AP1B1: variants seen among roughly 807,000 people sequenced by gnomAD.
AP1B1 encodes the protein AP-1 complex subunit beta-1.
A neutral mutation model predicts 104.3 loss-of-function variants in AP1B1; 36 were observed. The observed-to-expected ratio is 0.35, with a 90% CI of 0.26 to 0.46. The LOEUF (loss-of-function observed/expected upper bound fraction) is 0.46. Among genes scored for constraint, AP1B1 ranks in the 20% least tolerant of loss-of-function variants. The pLI, the probability that AP1B1 is intolerant of heterozygous loss-of-function variation, is 1.00. For synonymous variants in AP1B1, 504 were observed against 517.5 expected (o/e 0.97, Z 0.35); for missense variants, 901 against 1,247.9 (o/e 0.72, Z 4.19).
chr22:29,377,119 C>A (rs1419525063), intron 1 of AP1B1, among the ~76,000 whole-genome samples: 1 of 148,744 alleles, frequency 6.7e-6, no homozygotes, highest in South Asian at 2.1e-4. Context: ...TCGCTTGAAC[C>A]TGGGAGGCGG....
chr22:29,335,412 C>T (rs1296299175), intron 16 of AP1B1, among the ~76,000 whole-genome samples: 2 of 152,120 alleles, frequency 1.3e-5, no homozygotes, highest in Admixed American at 6.5e-5. Context: ...ACCAGCCCCC[C>T]ACCCCACCCT....
chr22:29,362,346 T>C (rs1054868349), intron 3 of AP1B1, among the ~76,000 whole-genome samples: 2 of 152,024 alleles, frequency 1.3e-5, no homozygotes, highest in African/African-American at 4.8e-5. Context: ...AGATTTCCCA[T>C]TCTTCTTTTT....
rs774062307 is a variant in AP1B1 at position 29,331,739 on chromosome 22, G to T, written c.2439+48C>A. ...CTTCTACTGACCCCAGTGGGGCCCGGCTGGTAGGTGAGTAAGGACTGGGGT... is the reference window on the plus strand; with the variant it reads ...CTTCTACTGACCCCAGTGGGGCCCGTCTGGTAGGTGAGTAAGGACTGGGGT... On this transcript the variant is annotated intron_variant, in intron 18 of 22. Transcript: ENST00000357586. 2.5e-6 allele frequency: 4 copies of T among 1,614,082 alleles called. No homozygotes were observed. The South Asian group carries it at 3.3e-5, about 13-fold the overall frequency.
intron 1 of AP1B1, among the ~76,000 whole-genome samples, chr22:29,377,100 GT>G (rs2062356060): frequency 1.3e-5 from 2 of 151,406 alleles, no homozygotes; most frequent in Admixed American, 6.6e-5. Flanking sequence ...GGAGGCTGAG[GT>G]GGAAGAATCG....
At chr22:29,329,772 G>C (rs999554125) in intron 21 of AP1B1, 52 bp from the exon 22 acceptor site, 4 of 1,611,676 alleles carry the variant, frequency 2.5e-6, no homozygotes, top group African/African-American at 2.7e-5. Context: ...CAAACACAGG[G>C]AGACGGAAGT....
At chr22:29,339,919 G>A (rs1294400959) in intron 14 of AP1B1, 145 bp from the exon 15 acceptor site, 4 of 908,842 alleles carry the variant, frequency 4.4e-6, no homozygotes, top group Admixed American at 2.1e-5. Context: ...TGTGGTGTGA[G>A]GTCTGGCGAG....
intron 11 of AP1B1, among the ~76,000 whole-genome samples, chr22:29,345,321 G>A (rs2061775806): frequency 6.7e-6 from 1 of 149,690 alleles, no homozygotes; most frequent in Admixed American, 6.7e-5. Flanking sequence ...GCCTCCCAAA[G>A]TGCTGGGTTA....
At chr22:29,358,643 C>A in intron 5 of AP1B1, 83 bp downstream of exon 5, 2 of 1,535,810 alleles carry the variant, frequency 1.3e-6, no homozygotes, top group Non-Finnish European at 1.8e-6. Context: ...GTACTCAGGA[C>A]TGCCTGGTGA....
intron 6 of AP1B1, 108 bp downstream of exon 6, chr22:29,356,318 A>T (rs952227789): frequency 1.0e-5 from 12 of 1,196,776 alleles, no homozygotes; most frequent in South Asian, 6.3e-5. Flanking sequence ...GTTATGGGGC[A>T]AAGCACTAGA....
intron 12 of AP1B1, among the ~76,000 whole-genome samples, chr22:29,342,083 C>T (rs1272607944): frequency 6.6e-6 from 1 of 152,266 alleles, no homozygotes; most frequent in Non-Finnish European, 1.5e-5. Context: ...AACTTCACTA[C>T]TTGACCTCAC....
chr22:29,373,925 C>A (rs1365449510), intron 1 of AP1B1, among the ~76,000 whole-genome samples: 1 of 123,866 alleles, frequency 8.1e-6, no homozygotes, highest in Admixed American at 8.7e-5. Flanking sequence ...AGGCAAGGCA[C>A]GGTGGCTCAC....
chr22:29,349,223 T>C lies in AP1B1; in HGVS notation c.1432A>G (p.Thr478Ala). The change falls in exon 11 of 23, where the codon ACA becomes GCA. Residue 478 changes from threonine to alanine, a missense_variant. Physicochemically the swap from Thr to Ala is moderately conservative, Grantham distance 58. This residue lies in a region of AP1B1 where 471 missense variants were observed against 696.7 expected (regional missense o/e 0.68). Transcript: ENST00000357586. ...SFLEGFHDES[T>A]QVQLQLLTAI... is the part of the protein sequence containing the mutation. ...TGGCCAGCTCGCTGGCTCACCTGTG[T>C]GCTCTCGTCATGGAAGCCCTCGAGG... 6.2e-7 allele frequency: 1 copy of C among 1,612,806 alleles called. No homozygotes were observed. The highest frequency in any genetic ancestry group is 8.5e-7 in the Non-Finnish European group (1 of 1,180,030).
chr22:29,341,838 C>G, intron 12 of AP1B1, 78 bp from the exon 13 acceptor site: 4 of 1,500,918 alleles, frequency 2.7e-6, no homozygotes, highest in Non-Finnish European at 3.6e-6. Context: ...CAGCCATGAG[C>G]CAGGTGCGGC....
At chr22:29,357,415 G>A (rs990795762) in intron 5 of AP1B1, among the ~76,000 whole-genome samples, 1 of 151,990 alleles carries the variant, frequency 6.6e-6, no homozygotes, top group Non-Finnish European at 1.5e-5. Flanking sequence ...GCCCAGTCTG[G>A]AGTGTAGTGG....
Position 29,334,423 on chromosome 22 carries a change from G to C in AP1B1, c.2164-13C>G. ...CTGGGAGCCAGACCTGCAGGGAAGA[G>C]GGTGCGGAGGGGGCGGGTAGGTGCC... On this transcript the variant is annotated splice_polypyrimidine_tract_variant and intron_variant, in intron 16 of 22. Transcript: ENST00000357586. 1 of 1,593,082 alleles carries C rather than the reference G, an allele frequency of 6.3e-7. No homozygotes were observed. The highest frequency in any genetic ancestry group is 2.3e-5 in the East Asian group (1 of 43,860).
rs1487601575 is a variant in AP1B1, at chr22:29,328,046, G to A, written c.*775C>T. On this transcript the variant is annotated 3_prime_UTR_variant, in exon 23 of 23. Transcript: ENST00000357586. The surrounding 1 kb of genome is among the most constrained non-coding windows in gnomAD (Gnocchi z 4.1). ...TCTCTCGGCCCAGTCTTTGTGGCAG[G>A]AGGCCTGGGCTCAGAGGCGACACTG... is the stretch of plus-strand genomic sequence containing the variant. 6.5e-6 allele frequency: 1 copy of A among 152,830 alleles called. No individual in the cohort carries two copies. The highest frequency in any genetic ancestry group is 2.4e-5 in the African/African-American group (1 of 41,444). 9.5% of individuals were successfully genotyped at this position (152,830 alleles called of 1,614,324 possible). A position where few individuals can be genotyped will look rare whatever the true frequency, so the allele number is the denominator to read the frequency against.
At position 29,329,723 on chromosome 22, in the gene AP1B1, G is replaced by A. The variant is rs554279393; in HGVS notation, c.2767-3C>T. The A allele has an allele frequency of 6.2e-6, 10 of 1,613,674 alleles. No homozygotes were observed. The African/African-American group carries it at 1.2e-4, about 19-fold the overall frequency. On this transcript the variant is annotated splice_region_variant and splice_polypyrimidine_tract_variant and intron_variant, in intron 21 of 22. Coordinates refer to ENST00000357586, the MANE Select transcript of AP1B1 (RefSeq NM_001127.4). ...AGCGATCTGCTAACCTCTAAGTCCT[G>A]CACCACGGGAACCAGCAGGGAAGGT...
intron 2 of AP1B1, among the ~76,000 whole-genome samples, chr22:29,366,720 A>G (rs1338006596): frequency 6.6e-6 from 1 of 151,220 alleles, no homozygotes. Flanking sequence ...AATAACTTCA[A>G]CTCGAGAGGC....
At position 29,328,734 on chromosome 22, in the gene AP1B1, C is replaced by A; in HGVS notation, c.*87G>T. 1.4e-6 allele frequency: 2 copies of A among 1,480,336 alleles called. No homozygotes were observed. Among genetic ancestry groups the A allele is most frequent in the South Asian group, 2.5e-5 (2 of 81,228 alleles). The allele number at this position is 1,480,336 out of a possible 1,614,324, so 91.7% of individuals were successfully genotyped here. On this transcript the variant is annotated 3_prime_UTR_variant, in exon 23 of 23. Coordinates refer to ENST00000357586, the MANE Select transcript of AP1B1 (RefSeq NM_001127.4). The surrounding 1 kb of genome is among the most constrained non-coding windows in gnomAD (Gnocchi z 4.1). ...TGAGTGGCCTGGAGCCCCGCCTGGT[C>A]CCTCCTGCGAGGAGGAAGATGTGCT...
Sources: gnomAD v4.1 joint callset for allele counts (sites outside exome capture counted in the v4.1 genomes callset) on GRCh38, gnomAD v4.1.1 for gene constraint, gnomAD v4.1.1 regional missense constraint, Gnocchi (gnomAD v3.1) non-coding constraint, MANE v1.5 for transcripts, NCBI Gene and HGNC (gene_info 2026-07-23, HGNC 2026-07-21) for gene names.